Variants in KANK1 observed in about 807,000 individuals in gnomAD.
KANK1 encodes the protein KN motif and ankyrin repeat domains 1, also known as KN motif and ankyrin repeat domain-containing protein 1.
A neutral mutation model predicts 106.2 loss-of-function variants in KANK1; 109 were observed. The observed-to-expected ratio is 1.03, with a 90% CI of 0.88 to 1.20. KANK1 has a LOEUF of 1.20. Among genes scored for constraint, KANK1 ranks in the 50% most tolerant of loss-of-function variants. The pLI is 0.00. For missense variants in KANK1, 2,399 were observed against 1,710.7 expected (o/e 1.40, Z -7.10); for synonymous variants, 873 against 652.2 (o/e 1.34, Z -5.16).
Position 510,797 on chromosome 9 carries a change from C to CT in KANK1, c.-84+6043_-84+6044insT, listed in dbSNP as rs1587367415. Among the ~76,000 whole-genome samples the CT allele has an allele frequency of 3.3e-5, 5 of 152,310 alleles. No individual in the cohort carries two copies. In the East Asian group the frequency reaches 9.6e-4, roughly 29 times the overall value. ...GCATCATGGGGTTTAATGGTAAACA[C>CT]CTGCCAGAGATTAGAATGCAGTAGG... On this transcript the variant is annotated intron_variant, in intron 1 of 11. Coordinates refer to ENST00000382297, the MANE Select transcript of KANK1 (RefSeq NM_015158.5).
At chr9:734,170 C>G (rs1472864729) in intron 6 of KANK1, 1 of 147,856 alleles carries the variant, frequency 6.8e-6, no homozygotes, top group Non-Finnish European at 1.5e-5. Flanking sequence ...AAATGTTATT[C>G]CAGAATGTCA....
chr9:561,440 G>C (rs1026632824), intron 1 of KANK1, among the ~76,000 whole-genome samples: 3 of 152,080 alleles, frequency 2.0e-5, no homozygotes, highest in Non-Finnish European at 4.4e-5. Context: ...AGTTACTTTG[G>C]TCATTTCCAA....
chr9:591,782 G>C lies in KANK1; in HGVS notation c.-83-85108G>C, dbSNP rs148823303. On this transcript the variant is annotated intron_variant, in intron 1 of 11. Transcript: ENST00000382297. ...CAAGTGATTCTCCTGCCTCAGCCTAGCAAGTAGCTGGGATTACAGGTGCCC... is the reference window on the plus strand; with the variant it reads ...CAAGTGATTCTCCTGCCTCAGCCTACCAAGTAGCTGGGATTACAGGTGCCC... 7.3e-3 allele frequency among the ~76,000 whole-genome samples: 1,113 copies of C among 151,662 alleles called. 40 individuals are homozygous for C. Among genetic ancestry groups the C allele is most frequent in the Admixed American group, 0.05 (757 of 15,272 alleles).
At chr9:511,466 C>T (rs1001471889) in intron 1 of KANK1, among the ~76,000 whole-genome samples, 4 of 152,146 alleles carry the variant, frequency 2.6e-5, no homozygotes, top group Non-Finnish European at 2.9e-5. Context: ...TACTAAACCT[C>T]TCTGTGTGTC....
chr9:665,532 G>C (rs1220628091), intron 1 of KANK1, among the ~76,000 whole-genome samples: 3 of 152,128 alleles, frequency 2.0e-5, no homozygotes, highest in Non-Finnish European at 4.4e-5. Context: ...GTTTGTGTCT[G>C]TTTTTTATGC....
intron 1 of KANK1, among the ~76,000 whole-genome samples, chr9:526,363 C>T (rs772130605): frequency 2.0e-5 from 3 of 151,596 alleles, no homozygotes; most frequent in Non-Finnish European, 2.9e-5. Flanking sequence ...GGGAGCAGCA[C>T]ACATAAGACC....
At chr9:628,898 G>C (rs1477446718) in intron 1 of KANK1, among the ~76,000 whole-genome samples, 1 of 151,534 alleles carries the variant, frequency 6.6e-6, no homozygotes, top group African/African-American at 2.4e-5. Context: ...GGCCAACATG[G>C]CGAAACCCCA....
intron 1 of KANK1, among the ~76,000 whole-genome samples, chr9:506,386 G>A (rs1010570752): frequency 1.3e-5 from 2 of 152,186 alleles, no homozygotes; most frequent in Non-Finnish European, 1.5e-5. Flanking sequence ...GCCAGTAGAG[G>A]AATAATTGCC....
At chr9:605,385 T>C (rs1193708372) in intron 1 of KANK1, among the ~76,000 whole-genome samples, 1 of 151,488 alleles carries the variant, frequency 6.6e-6, no homozygotes. Flanking sequence ...TAGCCATATG[T>C]TAAGCTCTGA....
chr9:611,126 G>A (rs1009846620), intron 1 of KANK1, among the ~76,000 whole-genome samples: 2 of 152,110 alleles, frequency 1.3e-5, no homozygotes, highest in African/African-American at 4.8e-5. Flanking sequence ...CTGAAGGGAC[G>A]GTTGGCTTGA....
chr9:548,186 G>A (rs975917896), intron 1 of KANK1, among the ~76,000 whole-genome samples: 4 of 152,190 alleles, frequency 2.6e-5, no homozygotes, highest in Admixed American at 6.5e-5. Context: ...ATAAGGGAAA[G>A]TAAGATAATT....
chr9:611,560 A>G (rs1037620928), intron 1 of KANK1, among the ~76,000 whole-genome samples: 2 of 152,188 alleles, frequency 1.3e-5, no homozygotes, highest in Admixed American at 1.3e-4. Context: ...CTTCTTAATA[A>G]CATAGGTATG....
intron 3 of KANK1, among the ~76,000 whole-genome samples, chr9:483,251 C>A (rs895058546): frequency 7.9e-5 from 12 of 151,984 alleles, no homozygotes; most frequent in Non-Finnish European, 1.5e-5. Flanking sequence ...TGGAACATAC[C>A]CCCTGTGGAT....
intron 1 of KANK1, among the ~76,000 whole-genome samples, chr9:540,908 A>C (rs1419151243): frequency 1.3e-5 from 2 of 152,106 alleles, no homozygotes; most frequent in African/African-American, 4.8e-5. Context: ...AGTTCAGCTA[A>C]AGGTTTGTCA....
At chr9:578,992 T>C (rs1474590900) in intron 1 of KANK1, among the ~76,000 whole-genome samples, 1 of 152,020 alleles carries the variant, frequency 6.6e-6, no homozygotes, top group Non-Finnish European at 1.5e-5. Flanking sequence ...CAGCTGAAAA[T>C]AGGAAAAATT....
chr9:529,595 T>C (rs908077183), intron 1 of KANK1, among the ~76,000 whole-genome samples: 38 of 152,354 alleles, frequency 2.5e-4, no homozygotes, highest in Middle Eastern at 3.4e-3. Context: ...TGCATCTTTT[T>C]TTCATAGAAC....
chr9:732,684 C>G lies in KANK1; in HGVS notation c.3245+67C>G, dbSNP rs1028302463. 3.2e-6 allele frequency: 5 copies of G among 1,549,526 alleles called. No individual in the cohort carries two copies. The African/African-American group carries it at 6.8e-5, about 21-fold the overall frequency. On this transcript the variant is annotated intron_variant, in intron 6 of 11. Coordinates refer to ENST00000382297, the MANE Select transcript of KANK1 (RefSeq NM_015158.5). ...TAATGTACTTTGGCAATAGAGTTGG[C>G]CAGTTCAGAGCTTTTGTAATTAAAT...
At chr9:481,495 A>G (rs1166228439) in intron 3 of KANK1, among the ~76,000 whole-genome samples, 1 of 152,222 alleles carries the variant, frequency 6.6e-6, no homozygotes, top group Non-Finnish European at 1.5e-5. Flanking sequence ...CCTCTGTGGT[A>G]GGAGAAAGTG....
intron 1 of KANK1, among the ~76,000 whole-genome samples, chr9:508,826 TG>T (rs2058896127): frequency 6.6e-6 from 1 of 152,228 alleles, no homozygotes; most frequent in African/African-American, 2.4e-5. Context: ...GTTTCTTACA[TG>T]GTAAGTAGTG....
Sources: gnomAD v4.1 joint callset for allele counts (sites outside exome capture counted in the v4.1 genomes callset) on GRCh38, gnomAD v4.1.1 for gene constraint, MANE v1.5 for transcripts, NCBI Gene and HGNC (gene_info 2026-07-23, HGNC 2026-07-21) for gene names.